The following EYA2 variants were observed in gnomAD, a reference collection of about 807,000 sequenced individuals.
The protein encoded by EYA2 is EYA transcriptional coactivator and phosphatase 2, also known as protein phosphatase EYA2.
A neutral mutation model predicts 69.2 loss-of-function variants in EYA2; 31 were observed. The ratio of observed to expected loss-of-function variants is 0.45; its 90% CI spans 0.34 to 0.60. The LOEUF is 0.60. Ranked by LOEUF, EYA2 falls within the 20% of genes least tolerant of loss-of-function variation. The pLI is 0.02. For synonymous variants in EYA2, 257 were observed against 279.4 expected (o/e 0.92, Z 0.80); for missense variants, 622 against 701.2 (o/e 0.89, Z 1.28).
At chr20:47,064,387 A>G (rs1390394194) in intron 5 of EYA2, among the ~76,000 whole-genome samples, 1 of 152,264 alleles carries the variant, frequency 6.6e-6, no homozygotes, top group Non-Finnish European at 1.5e-5. Flanking sequence ...TTCAGCCGTC[A>G]GTGGACACTT....
intron 5 of EYA2, among the ~76,000 whole-genome samples, chr20:47,020,134 C>CA: frequency 8.6e-6 from 1 of 116,598 alleles, no homozygotes; most frequent in East Asian, 2.4e-4. Flanking sequence ...GACCCTGTCT[C>CA]AAAAAAAGAA....
At chr20:47,083,297 C>T (rs1164383484) in intron 7 of EYA2, among the ~76,000 whole-genome samples, 1 of 152,132 alleles carries the variant, frequency 6.6e-6, no homozygotes, top group Admixed American at 6.5e-5. Context: ...GCTGGAACAG[C>T]CGAGCACAGT....
chr20:47,119,462 G>A (rs899856065), intron 9 of EYA2, among the ~76,000 whole-genome samples: 1 of 152,180 alleles, frequency 6.6e-6, no homozygotes, highest in Non-Finnish European at 1.5e-5. Context: ...ATAAATCATA[G>A]GATAGTCATA....
At chr20:47,149,090 A>C (rs1274403085) in intron 10 of EYA2, among the ~76,000 whole-genome samples, 1 of 152,222 alleles carries the variant, frequency 6.6e-6, no homozygotes, top group Non-Finnish European at 1.5e-5. Flanking sequence ...AAAACAAAAA[A>C]AAAAAACAAG....
chr20:46,987,954 CTCTCTCTCTCTATATATATATATATA>C (rs1346087663), intron 1 of EYA2, among the ~76,000 whole-genome samples: 2 of 43,572 alleles, frequency 4.6e-5, no homozygotes, highest in Non-Finnish European at 4.6e-5. Flanking sequence ...CTCTCTCTCT[CTCTCTCTCTCTATATATATATATATA>C]TATATATATA....
At chr20:46,966,106 T>G (rs1979762281) in intron 1 of EYA2, among the ~76,000 whole-genome samples, 1 of 152,200 alleles carries the variant, frequency 6.6e-6, no homozygotes, top group African/African-American at 2.4e-5. Flanking sequence ...AACCAGGATA[T>G]GAACGAGGCA....
At chr20:47,135,826 AAAAAAAAAAAAAAAACAAACAAACAAAC>A (rs541975139) in intron 9 of EYA2, among the ~76,000 whole-genome samples, 22,300 of 124,978 alleles carry the variant, frequency 0.18, 2,036 homozygotes, top group African/African-American at 0.26. Context: ...TACAAAAAAA[AAAAAAAAAAAAAAAACAAACAAACAAAC>A]AAAAAACTAA....
intron 2 of EYA2, among the ~76,000 whole-genome samples, chr20:46,992,947 TAC>T (rs1021959418): frequency 4.1e-4 from 63 of 152,170 alleles, no homozygotes; most frequent in African/African-American, 1.5e-3. Flanking sequence ...TTCCTTCTAT[TAC>T]AGAGTCTTTA....
chr20:47,136,959 TTGTC>T, intron 9 of EYA2, among the ~76,000 whole-genome samples: 1 of 152,112 alleles, frequency 6.6e-6, no homozygotes, highest in South Asian at 2.1e-4. Context: ...TACAGCGTCT[TTGTC>T]TGATCCGTAC....
In EYA2 at chr20:46,908,870, CTTTTTTTTTTTTT is replaced by C. The variant is rs56834738; in HGVS notation, c.-11+13908_-11+13920del. Reference sequence around the variant, plus strand: ...AAAGGCACTAAGCCTCTCTCCCGCACTTTTTTTTTTTTTTTTTTTTTTTTTTTTTTTTTTTTTA... The same window carrying C: ...AAAGGCACTAAGCCTCTCTCCCGCACTTTTTTTTTTTTTTTTTTTTTTTTA... On this transcript the variant is annotated intron_variant, in intron 1 of 15. Coordinates refer to ENST00000327619, the MANE Select transcript of EYA2 (RefSeq NM_005244.5). 1.4e-3 allele frequency among the ~76,000 whole-genome samples: 65 copies of C among 47,578 alleles called. 2 individuals are homozygous for C. In the East Asian group the frequency reaches 0.016, roughly 12 times the overall value. 31.2% of individuals were successfully genotyped at this position (47,578 alleles called of 152,430 possible).
intron 9 of EYA2, among the ~76,000 whole-genome samples, chr20:47,134,249 A>G (rs963332658): frequency 6.6e-6 from 1 of 152,190 alleles, no homozygotes; most frequent in Admixed American, 6.5e-5. Flanking sequence ...CAGCTGAGCC[A>G]TGGAAGGCAG....
chr20:47,143,794 G>C (rs2033647154), intron 10 of EYA2, among the ~76,000 whole-genome samples: 1 of 152,148 alleles, frequency 6.6e-6, no homozygotes, highest in South Asian at 2.1e-4. Context: ...TAACACAAAG[G>C]CAAGCGGAAG....
At chr20:46,970,123 G>A (rs753926597) in intron 1 of EYA2, among the ~76,000 whole-genome samples, 10 of 152,192 alleles carry the variant, frequency 6.6e-5, no homozygotes, top group African/African-American at 1.7e-4. Context: ...TGCAGACACC[G>A]ACTGCAGTTC....
At chr20:47,158,915 G>T (rs1045984901) in intron 10 of EYA2, among the ~76,000 whole-genome samples, 5 of 151,658 alleles carry the variant, frequency 3.3e-5, no homozygotes, top group African/African-American at 1.2e-4. Flanking sequence ...TAAATAAAAA[G>T]GAGAGCAAAA....
At chr20:47,066,036 T>G (rs1214324191) in intron 5 of EYA2, among the ~76,000 whole-genome samples, 1 of 152,200 alleles carries the variant, frequency 6.6e-6, no homozygotes, top group Non-Finnish European at 1.5e-5. Flanking sequence ...TGAATGAATA[T>G]CCACTTAAAA....
intron 12 of EYA2, among the ~76,000 whole-genome samples, chr20:47,177,085 AC>A (rs1160014800): frequency 1.3e-5 from 2 of 151,924 alleles, no homozygotes; most frequent in Non-Finnish European, 2.9e-5. Context: ...GGCATGAGCC[AC>A]CCTGCCTGGC....
At chr20:46,925,758 C>T (rs78659368) in intron 1 of EYA2, among the ~76,000 whole-genome samples, 6 of 152,282 alleles carry the variant, frequency 3.9e-5, no homozygotes, top group African/African-American at 7.2e-5. Context: ...GGCAGATTGG[C>T]GTGGCCCATC....
chr20:47,062,381 C>T (rs2030926382), intron 5 of EYA2, among the ~76,000 whole-genome samples: 2 of 152,182 alleles, frequency 1.3e-5, no homozygotes, highest in South Asian at 2.1e-4. Flanking sequence ...CCTTGGACTG[C>T]ACAGCTGGGG....
intron 4 of EYA2, among the ~76,000 whole-genome samples, chr20:47,005,744 G>A (rs1982668112): frequency 6.6e-6 from 1 of 152,180 alleles, no homozygotes; most frequent in Admixed American, 6.5e-5. Flanking sequence ...GTGGAGGACG[G>A]GGCAGAAACA....
Sources: allele counts gnomAD v4.1 joint callset (sites outside exome capture counted in the v4.1 genomes callset), GRCh38; gene constraint gnomAD v4.1.1; transcripts MANE v1.5; gene names NCBI Gene and HGNC (gene_info 2026-07-23, HGNC 2026-07-21).